TASOR2: variants seen among roughly 807,000 people sequenced by gnomAD.
TASOR2 encodes the protein transcription activation suppressor family member 2.
In TASOR2, 84 loss-of-function variants were observed where a neutral mutation model predicts 199.5. The ratio of observed to expected loss-of-function variants is 0.42; its 90% CI spans 0.35 to 0.50. The LOEUF (loss-of-function observed/expected upper bound fraction) is 0.50. Among genes scored for constraint, TASOR2 ranks in the 20% least tolerant of loss-of-function variants. The pLI is 0.02. For synonymous variants in TASOR2, 1,103 were observed against 1,046.6 expected (o/e 1.05, Z -1.04); for missense variants, 2,796 against 2,835.9 (o/e 0.99, Z 0.32).
chr10:5,729,829 T>TC (rs1019425517), intron 10 of TASOR2, among the ~76,000 whole-genome samples: 2 of 152,124 alleles, frequency 1.3e-5, no homozygotes, highest in African/African-American at 4.8e-5. Flanking sequence ...TCTTTTTTTT[T>TC]CCCTTTTACT....
chr10:5,728,654 A>G (rs979679703), intron 10 of TASOR2, among the ~76,000 whole-genome samples: 1 of 152,176 alleles, frequency 6.6e-6, no homozygotes, highest in Non-Finnish European at 1.5e-5. Context: ...TACTTGAAGC[A>G]GAACGCTGTG....
intron 14 of TASOR2, among the ~76,000 whole-genome samples, chr10:5,745,704 G>A (rs2797490): frequency 0.095 from 14,508 of 151,928 alleles, 1,678 homozygotes; most frequent in East Asian, 0.44. Flanking sequence ...ACTTAAACCC[G>A]GGAGGCAGAG....
chr10:5,761,148 G>A, intron 18 of TASOR2, 142 bp from the exon 20 acceptor site: 1 of 656,888 alleles, frequency 1.5e-6, no homozygotes. Flanking sequence ...GATGTTTTGA[G>A]GTAACCAAAG....
chr10:5,747,442 G>A, exon 15 of TASOR2: 2 of 1,614,164 alleles, frequency 1.2e-6, no homozygotes, highest in Non-Finnish European at 8.5e-7. Context: ...GAGTTCTGCT[G>A]ACAATGTGTC....
At chr10:5,739,846 G>A (rs1836145998) in exon 13 of TASOR2, 3 of 1,614,044 alleles carry the variant, frequency 1.9e-6, no homozygotes, top group African/African-American at 2.7e-5. Context: ...AATCTTCACT[G>A]TTCCTCTGAA....
At chr10:5,739,633 C>T in exon 13 of TASOR2, 2 of 1,612,188 alleles carry the variant, frequency 1.2e-6, no homozygotes, top group East Asian at 4.5e-5. Flanking sequence ...GGAGAAACTG[C>T]TTCAAAGCTT....
At position 5,761,631 on chromosome 10, in the gene TASOR2, A is replaced by T. The variant is rs570479822; in HGVS notation, c.7174+160A>T. 76 of 628,640 alleles carry T rather than the reference A, an allele frequency of 1.2e-4. 3 individuals carry two copies. The South Asian group carries it at 1.5e-3, about 12-fold the overall frequency. 38.9% of individuals were successfully genotyped at this position (628,640 alleles called of 1,614,324 possible). A position where few individuals can be genotyped will look rare whatever the true frequency, so the allele number is the denominator to read the frequency against. On this transcript the variant is annotated intron_variant, in intron 19 of 20. Coordinates refer to ENST00000328090, the Ensembl canonical transcript of TASOR2. ...CTGCTGAAGCTGAAGCCCTTATATAAAATGTAGTATTTGCAGGTAACTACA... is the reference window on the plus strand; with the variant it reads ...CTGCTGAAGCTGAAGCCCTTATATATAATGTAGTATTTGCAGGTAACTACA...
rs903107360 is a variant in TASOR2, at chr10:5,754,438, G to A, written c.6607-2175G>A. Among the ~76,000 whole-genome samples the A allele has an allele frequency of 1.3e-5, 2 of 151,952 alleles. No individual in the cohort carries two copies. Among genetic ancestry groups the A allele is most frequent in the African/African-American group, 4.8e-5 (2 of 41,368 alleles). On this transcript the variant is annotated intron_variant, in intron 15 of 20. Coordinates refer to ENST00000328090, the Ensembl canonical transcript of TASOR2. The surrounding 1 kb of genome is among the most constrained non-coding windows in gnomAD (Gnocchi z 4.3). Reference sequence around the variant, plus strand: ...AAGTTTTGCTCTTGTCGCCCAGGCTGGAGTGCAGTGGCGCGATCTCAGCTC... The same window carrying A: ...AAGTTTTGCTCTTGTCGCCCAGGCTAGAGTGCAGTGGCGCGATCTCAGCTC...
At chr10:5,761,191 C>T (rs1385679440) in intron 18 of TASOR2, 99 bp from the exon 20 acceptor site, 1 of 978,602 alleles carries the variant, frequency 1.0e-6, no homozygotes, top group Non-Finnish European at 1.5e-6. Context: ...AGAAGAAAGG[C>T]AGAGGAACTC....
At chr10:5,728,795 A>G (rs557522243) in intron 10 of TASOR2, among the ~76,000 whole-genome samples, 15 of 152,300 alleles carry the variant, frequency 9.8e-5, no homozygotes, top group Admixed American at 3.9e-4. Flanking sequence ...GGACTTAGCA[A>G]TCCATAAAAT....
chr10:5,749,197 G>C (rs757102706), exon 15 of TASOR2: 1 of 1,613,842 alleles, frequency 6.2e-7, no homozygotes, highest in Non-Finnish European at 8.5e-7. Context: ...CAGGACTTAC[G>C]CCAACTTCTC....
In TASOR2 at chr10:5,720,706, G is replaced by T. The variant is rs1156834939; in HGVS notation, c.26+38G>T. On this transcript the variant is annotated intron_variant, in intron 4 of 20. Transcript: ENST00000328090. This position sits in a 1 kb window ranked among gnomAD's most constrained non-coding sequence, Gnocchi z 5.3. ...GTGCATGCTTTGTTTTACTGAATTT[G>T]TTCCTTTTACTCTTGTAAACATGTT... 1.2e-6 allele frequency: 2 copies of T among 1,613,668 alleles called. No homozygotes were observed. Among genetic ancestry groups the T allele is most frequent in the African/African-American group, 1.3e-5 (1 of 74,852 alleles).
In TASOR2 at chr10:5,752,372, A is replaced by G. The variant is rs1412078156; in HGVS notation, c.6606+2345A>G. On this transcript the variant is annotated intron_variant, in intron 15 of 20. Transcript: ENST00000328090. The surrounding 1 kb of genome is among the most constrained non-coding windows in gnomAD (Gnocchi z 4.4). ...GCTCAGGAAGTGCTGCAGCACAGAA[A>G]GCAGAGCATAGGGGCCTGCAGGCCG... 6.6e-6 allele frequency among the ~76,000 whole-genome samples: 1 copy of G among 152,166 alleles called. No homozygotes were observed. The highest frequency in any genetic ancestry group is 1.5e-5 in the Non-Finnish European group (1 of 68,020).
exon 15 of TASOR2, chr10:5,749,453 C>T: frequency 6.2e-7 from 1 of 1,614,176 alleles, no homozygotes; most frequent in Non-Finnish European, 8.5e-7. Flanking sequence ...GAGTCACCAA[C>T]CCAGATCTCC....
chr10:5,747,810 G>A (rs779983061), exon 15 of TASOR2: 16 of 1,613,730 alleles, frequency 9.9e-6, no homozygotes, highest in Non-Finnish European at 1.3e-5. Context: ...ATCCAGTGGG[G>A]CAAGATAACT....
At chr10:5,724,957 G>A (rs1160101990) in intron 8 of TASOR2, among the ~76,000 whole-genome samples, 1 of 152,114 alleles carries the variant, frequency 6.6e-6, no homozygotes, top group African/African-American at 2.4e-5. Flanking sequence ...AGTTATGTGA[G>A]TGTGGACTGT....
Position 5,740,180 on chromosome 10 carries a change from G to C in TASOR2, c.2010G>C (p.Glu670Asp). The stretch of plus-strand genomic sequence containing the variant: ...AACATTCAAAGAAACATCTACAGGA[G>C]AGAGAGATACTAAGCCCTCTGTTTC... The change falls in exon 13 of 21, where the codon GAG (glutamate) becomes GAC (aspartate). Residue 670 changes from glutamate (E) to aspartate (D), a missense_variant. Physicochemically the swap from Glu to Asp is conservative, Grantham distance 45. Around this residue, in one of 3 missense-constraint regions of TASOR2, gnomAD observed 847 missense variants for 887.4 expected, o/e 0.95. Transcript: ENST00000328090. The surrounding 1 kb of genome is among the most constrained non-coding windows in gnomAD (Gnocchi z 5.3). The C allele has an allele frequency of 6.2e-7, 1 of 1,614,208 alleles. No homozygotes were observed. The highest frequency in any genetic ancestry group is 8.5e-7 in the Non-Finnish European group (1 of 1,180,042).
chr10:5,722,568 C>T lies in TASOR2; in HGVS notation c.147-1109C>T, dbSNP rs778092219. 4.6e-5 allele frequency among the ~76,000 whole-genome samples: 7 copies of T among 151,916 alleles called. No individual in the cohort carries two copies. The highest frequency in any genetic ancestry group is 7.4e-5 in the Non-Finnish European group (5 of 67,992). On this transcript the variant is annotated intron_variant, in intron 6 of 20. Transcript: ENST00000328090. The surrounding 1 kb of genome is among the most constrained non-coding windows in gnomAD (Gnocchi z 4.0). ...CCAAAAGGTTCAGAAAAAAATAATG[C>T]GTGTGTATAGAGAGAGAGAATGACA... is the stretch of plus-strand genomic sequence containing the variant.
intron 15 of TASOR2, among the ~76,000 whole-genome samples, chr10:5,755,354 C>T (rs1395923819): frequency 1.3e-5 from 2 of 152,078 alleles, no homozygotes; most frequent in African/African-American, 2.4e-5. Flanking sequence ...AGGCGGATCG[C>T]TTGAAGTCAG....
Sources: allele counts gnomAD v4.1 joint callset (sites outside exome capture counted in the v4.1 genomes callset), GRCh38; gene constraint gnomAD v4.1.1; regional missense constraint gnomAD v4.1.1; non-coding constraint Gnocchi (gnomAD v3.1); transcripts MANE v1.5; gene names NCBI Gene and HGNC (gene_info 2026-07-23, HGNC 2026-07-21).